Variants in DPP6 observed in about 807,000 individuals in gnomAD.
DPP6 encodes dipeptidyl peptidase like 6.
Under a neutral mutation model 122.6 loss-of-function variants are expected in DPP6, and 69 were observed. The ratio of observed to expected loss-of-function variants is 0.56; its 90% CI spans 0.46 to 0.69. The LOEUF (loss-of-function observed/expected upper bound fraction) is 0.69. Among genes scored for constraint, DPP6 ranks in the 30% least tolerant of loss-of-function variants. The pLI, the probability that DPP6 is intolerant of heterozygous loss-of-function variation, is 0.00. For missense variants in DPP6, 928 were observed against 1,116.9 expected (o/e 0.83, Z 2.41); for synonymous variants, 418 against 433.1 (o/e 0.97, Z 0.43).
chr7:154,060,889 C>T (rs1201917848), intron 1 of DPP6, among the ~76,000 whole-genome samples: 10 of 145,124 alleles, frequency 6.9e-5, no homozygotes, highest in Non-Finnish European at 1.1e-4. Context: ...GGGGAGGCAC[C>T]CCCCACGAGG....
chr7:154,819,694 A>C lies in DPP6; in HGVS notation c.1666+12582A>C, dbSNP rs556036620. ...TAAAATGATAGAAGAAATAAAACAA[A>C]AACAAAAACAAAAACAATGCCACTG... On this transcript the variant is annotated intron_variant, in intron 16 of 25. Transcript: ENST00000377770. Among the ~76,000 whole-genome samples the C allele has an allele frequency of 9.2e-5, 14 of 152,182 alleles. 1 individual carries two copies. Among genetic ancestry groups the C allele is most frequent in the Non-Finnish European group, 2.9e-5 (2 of 68,042 alleles).
intron 1 of DPP6, among the ~76,000 whole-genome samples, chr7:153,930,177 G>A (rs926343071): frequency 1.3e-5 from 2 of 152,182 alleles, no homozygotes; most frequent in African/African-American, 2.4e-5. Context: ...AGGGTCATCC[G>A]TCAGCCTTGA....
chr7:154,745,971 C>T (rs966119386), intron 8 of DPP6, among the ~76,000 whole-genome samples: 3 of 152,142 alleles, frequency 2.0e-5, no homozygotes, highest in African/African-American at 7.2e-5. Context: ...GACAGGAAGC[C>T]AGGCCATAGC....
At chr7:154,455,624 C>T (rs947204798) in intron 2 of DPP6, among the ~76,000 whole-genome samples, 1 of 152,112 alleles carries the variant, frequency 6.6e-6, no homozygotes, top group African/African-American at 2.4e-5. Flanking sequence ...CCATCTTAAC[C>T]GTCTCTCTTT....
In DPP6 at chr7:154,101,149, C is replaced by G. The variant is rs1409854745; in HGVS notation, c.243+48086C>G. 7.9e-5 allele frequency among the ~76,000 whole-genome samples: 11 copies of G among 138,480 alleles called. 1 individual carries two copies. In the East Asian group the frequency reaches 2.7e-3, roughly 34 times the overall value. 90.8% of individuals were successfully genotyped at this position (138,480 alleles called of 152,430 possible). Reference sequence around the variant, plus strand: ...TGCCATGTGGTGTTCTGGAAAGCTTCCTCTGTAATTTCCAGTTCAGATCAG... The same window carrying G: ...TGCCATGTGGTGTTCTGGAAAGCTTGCTCTGTAATTTCCAGTTCAGATCAG... On this transcript the variant is annotated intron_variant, in intron 1 of 25. Transcript: ENST00000377770.
intron 1 of DPP6, among the ~76,000 whole-genome samples, chr7:154,342,793 C>T (rs1390176583): frequency 6.6e-6 from 1 of 152,216 alleles, no homozygotes; most frequent in Non-Finnish European, 1.5e-5. Flanking sequence ...AGCAGAATTT[C>T]CGTCCACTTC....
intron 18 of DPP6, 65 bp downstream of exon 18, chr7:154,868,158 C>T: frequency 1.3e-6 from 2 of 1,530,706 alleles, no homozygotes; most frequent in Non-Finnish European, 1.8e-6. Flanking sequence ...TGACACAGTG[C>T]AGTCATCAGC....
intron 7 of DPP6, among the ~76,000 whole-genome samples, chr7:154,681,501 G>A (rs1367957663): frequency 6.6e-6 from 1 of 152,174 alleles, no homozygotes; most frequent in Non-Finnish European, 1.5e-5. Flanking sequence ...GCGTGGAGCC[G>A]CACCACACTT....
chr7:154,566,568 G>T lies in DPP6; in HGVS notation c.553-274G>T, dbSNP rs371403534. ...GGCCTCCCAAAGTGCTGGGATTACA[G>T]GTGTGAGCCAGTGCACCCAGCCTTT... On this transcript the variant is annotated intron_variant, in intron 4 of 25. Coordinates refer to ENST00000377770, the MANE Select transcript of DPP6 (RefSeq NM_130797.4). Among the ~76,000 whole-genome samples the T allele has an allele frequency of 4.6e-5, 7 of 152,094 alleles. No individual in the cohort carries two copies. In the East Asian group the frequency reaches 1.2e-3, roughly 25 times the overall value.
chr7:154,053,824 G>T (rs981859192), intron 1 of DPP6, among the ~76,000 whole-genome samples: 1 of 147,646 alleles, frequency 6.8e-6, no homozygotes, highest in Non-Finnish European at 1.5e-5. Flanking sequence ...GGGGCTGGAA[G>T]CCTGGGTTTC....
At chr7:154,432,027 C>T (rs1818470261) in intron 1 of DPP6, among the ~76,000 whole-genome samples, 1 of 152,124 alleles carries the variant, frequency 6.6e-6, no homozygotes, top group African/African-American at 2.4e-5. Flanking sequence ...CCACCCTCCA[C>T]TTCCCTTGGA....
At chr7:154,678,682 G>A (rs10247867) in intron 7 of DPP6, among the ~76,000 whole-genome samples, 16,209 of 152,224 alleles carry the variant, frequency 0.11, 934 homozygotes, top group East Asian at 0.15. Flanking sequence ...TGTTTTAAGC[G>A]TGAGAAGGAA....
intron 7 of DPP6, among the ~76,000 whole-genome samples, chr7:154,698,093 A>G (rs1374234717): frequency 6.6e-6 from 1 of 152,216 alleles, no homozygotes; most frequent in Non-Finnish European, 1.5e-5. Flanking sequence ...TTAATATTTT[A>G]GTATGTTTTC....
intron 12 of DPP6, among the ~76,000 whole-genome samples, chr7:154,797,057 T>C (rs1417783284): frequency 6.6e-6 from 1 of 152,202 alleles, no homozygotes; most frequent in East Asian, 1.9e-4. Context: ...ACCAAACATA[T>C]AAGCATATAA....
At chr7:154,465,777 A>C (rs1821728668) in intron 2 of DPP6, among the ~76,000 whole-genome samples, 1 of 152,224 alleles carries the variant, frequency 6.6e-6, no homozygotes, top group Non-Finnish European at 1.5e-5. Context: ...AATGAGTTCA[A>C]CCATTATGGA....
intron 1 of DPP6, among the ~76,000 whole-genome samples, chr7:154,292,384 G>A (rs1205853176): frequency 6.6e-6 from 1 of 152,152 alleles, no homozygotes; most frequent in Non-Finnish European, 1.5e-5. Context: ...TGGCTCAAAC[G>A]TGGCTAATTT....
At chr7:154,824,106 T>C (rs1159950916) in intron 16 of DPP6, among the ~76,000 whole-genome samples, 1 of 152,242 alleles carries the variant, frequency 6.6e-6, no homozygotes, top group Non-Finnish European at 1.5e-5. Flanking sequence ...TTCTTAGTTG[T>C]AGATCAGGAA....
At chr7:154,352,230 G>T (rs770026947) in intron 1 of DPP6, among the ~76,000 whole-genome samples, 1 of 152,120 alleles carries the variant, frequency 6.6e-6, no homozygotes, top group Non-Finnish European at 1.5e-5. Context: ...TTGGGAGGCC[G>T]AGGTGGGCAG....
At chr7:154,777,617 G>A (rs1427910788) in intron 10 of DPP6, among the ~76,000 whole-genome samples, 1 of 152,176 alleles carries the variant, frequency 6.6e-6, no homozygotes, top group Non-Finnish European at 1.5e-5. Flanking sequence ...CAGTTGAGCT[G>A]CGTGTTGAGT....
Sources: gnomAD v4.1 joint callset for allele counts (sites outside exome capture counted in the v4.1 genomes callset) on GRCh38, gnomAD v4.1.1 for gene constraint, MANE v1.5 for transcripts, NCBI Gene and HGNC (gene_info 2026-07-23, HGNC 2026-07-21) for gene names.